KIF13B: variants seen among roughly 807,000 people sequenced by gnomAD.
KIF13B encodes kinesin family member 13B.
KIF13B carries 127 observed loss-of-function variants against 222.0 expected under a neutral mutation model. The ratio of observed to expected loss-of-function variants is 0.57; its 90% CI spans 0.50 to 0.66. The LOEUF (loss-of-function observed/expected upper bound fraction) is 0.66, where lower values mean the gene tolerates loss of function less well. Among genes scored for constraint, KIF13B ranks in the 30% least tolerant of loss-of-function variants. The pLI is 0.00. For missense variants in KIF13B, 2,173 were observed against 2,379.0 expected (o/e 0.91, Z 1.80); for synonymous variants, 976 against 919.0 (o/e 1.06, Z -1.12).
chr8:29,223,164 C>CAA (rs375009923), intron 2 of KIF13B, among the ~76,000 whole-genome samples: 187 of 113,142 alleles, frequency 1.7e-3, no homozygotes, highest in African/African-American at 5.8e-3. Context: ...CAAAAAAATA[C>CAA]AAAAAAAAAA....
At chr8:29,193,811 G>T (rs1392217164) in intron 3 of KIF13B, among the ~76,000 whole-genome samples, 1 of 152,092 alleles carries the variant, frequency 6.6e-6, no homozygotes, top group African/African-American at 2.4e-5. Flanking sequence ...ATACTGTACT[G>T]CTTTTTACAT....
intron 35 of KIF13B, among the ~76,000 whole-genome samples, chr8:29,102,528 G>A (rs1808841198): frequency 6.6e-6 from 1 of 152,252 alleles, no homozygotes; most frequent in Non-Finnish European, 1.5e-5. Flanking sequence ...AAGAACGCCG[G>A]AGGCTCCGGG....
chr8:29,260,493 CAGTATTACATAATACTAATAACTGTTCA>C (rs1212767329), intron 1 of KIF13B, among the ~76,000 whole-genome samples: 3 of 151,994 alleles, frequency 2.0e-5, no homozygotes, highest in Non-Finnish European at 4.4e-5. Flanking sequence ...CATAATTATA[CAGTATTACATAATACTAATAACTGTTCA>C]AAGTAATATT....
chr8:29,096,015 T>G (rs1312035903), intron 36 of KIF13B, among the ~76,000 whole-genome samples: 1 of 150,640 alleles, frequency 6.6e-6, no homozygotes, highest in African/African-American at 2.4e-5. Context: ...AGAGTCTCAC[T>G]CTGTCACCCA....
At chr8:29,124,160 G>T (rs373069255) in intron 26 of KIF13B, 37 bp from the exon 27 acceptor site, 10 of 1,234,840 alleles carry the variant, frequency 8.1e-6, no homozygotes, top group Non-Finnish European at 1.2e-5. Context: ...TCAATGTAAT[G>T]TCAAGATAAT....
chr8:29,160,608 C>T, intron 13 of KIF13B, 125 bp downstream of exon 13: 2 of 731,834 alleles, frequency 2.7e-6, no homozygotes, highest in Non-Finnish European at 4.1e-6. Context: ...AGTCCAGAAA[C>T]CCAAGATGGT....
At chr8:29,223,319 G>A (rs1398126348) in intron 2 of KIF13B, among the ~76,000 whole-genome samples, 1 of 116,858 alleles carries the variant, frequency 8.6e-6, no homozygotes, top group Non-Finnish European at 1.7e-5. Flanking sequence ...CTGAGTGAGA[G>A]AGACCCTGTC....
At chr8:29,193,379 G>C (rs966592229) in intron 3 of KIF13B, among the ~76,000 whole-genome samples, 1 of 152,184 alleles carries the variant, frequency 6.6e-6, no homozygotes, top group Non-Finnish European at 1.5e-5. Flanking sequence ...ATCAAACTGG[G>C]GGGAGCTGCC....
intron 14 of KIF13B, among the ~76,000 whole-genome samples, chr8:29,153,414 T>C (rs1811384427): frequency 6.6e-6 from 1 of 152,140 alleles, no homozygotes; most frequent in Admixed American, 6.5e-5. Context: ...TAAGGAAAAT[T>C]TACCAGTTCC....
intron 13 of KIF13B, among the ~76,000 whole-genome samples, chr8:29,156,061 C>G (rs1290623723): frequency 6.6e-6 from 1 of 152,142 alleles, no homozygotes; most frequent in Admixed American, 6.5e-5. Flanking sequence ...CTCCGCCTCC[C>G]AGGTTCAAGC....
chr8:29,259,610 C>A (rs1055652195), intron 1 of KIF13B, among the ~76,000 whole-genome samples: 9 of 152,298 alleles, frequency 5.9e-5, no homozygotes, highest in African/African-American at 2.2e-4. Flanking sequence ...TTTAAGCCAC[C>A]TAAAGTTAGA....
intron 13 of KIF13B, among the ~76,000 whole-genome samples, chr8:29,157,905 C>T (rs186868733): frequency 2.0e-5 from 3 of 151,730 alleles, no homozygotes; most frequent in Admixed American, 2.0e-4. Context: ...AGCCCAAATT[C>T]TTACCCGGGC....
chr8:29,201,396 G>A (rs1813685480), intron 2 of KIF13B, among the ~76,000 whole-genome samples: 1 of 152,130 alleles, frequency 6.6e-6, no homozygotes, highest in African/African-American at 2.4e-5. Flanking sequence ...AATTATATCT[G>A]TAATCTCTAG....
rs745969894 is a variant in KIF13B at position 29,140,079 on chromosome 8, T to A, written c.2597A>T (p.Asn866Ile). 1 of 1,594,806 alleles carries A rather than the reference T, an allele frequency of 6.3e-7. No homozygotes were observed. Among genetic ancestry groups the A allele is most frequent in the South Asian group, 1.1e-5 (1 of 88,228 alleles). ...EVSFEKETQENKLVCMVKILQ... is the reference protein window; with the variant it reads ...EVSFEKETQEIKLVCMVKILQ... ...GGGACTTACCATGCACACCAGTTTG[T>A]TCTCCTGGGTCTCCTTCTCAAAGGA... is the stretch of plus-strand genomic sequence containing the variant. The change falls in exon 21 of 40, where the codon AAC (asparagine) becomes ATC (isoleucine). Residue 866 changes from asparagine to isoleucine, a missense_variant. Coordinates refer to ENST00000524189, the MANE Select transcript of KIF13B (RefSeq NM_015254.4).
At chr8:29,124,716 C>A (rs1687104513) in intron 26 of KIF13B, among the ~76,000 whole-genome samples, 1 of 151,866 alleles carries the variant, frequency 6.6e-6, no homozygotes, top group African/African-American at 2.4e-5. Context: ...AAACCCCATC[C>A]CTACTAAAAA....
intron 2 of KIF13B, among the ~76,000 whole-genome samples, chr8:29,234,758 G>A (rs1245143307): frequency 1.3e-5 from 2 of 150,684 alleles, no homozygotes; most frequent in Non-Finnish European, 2.9e-5. Context: ...GTCAGGAAAG[G>A]ACATCTTTTG....
At chr8:29,120,126 A>G (rs1363139424) in intron 29 of KIF13B, among the ~76,000 whole-genome samples, 1 of 150,660 alleles carries the variant, frequency 6.6e-6, no homozygotes, top group African/African-American at 2.4e-5. Flanking sequence ...CAGGCCCAAA[A>G]TATTTTACAT....
intron 10 of KIF13B, among the ~76,000 whole-genome samples, chr8:29,169,606 A>C (rs1023271840): frequency 2.0e-5 from 3 of 152,236 alleles, no homozygotes; most frequent in Admixed American, 6.5e-5. Context: ...ATATTGCTGA[A>C]GAAAATATAA....
chr8:29,110,507 G>T, intron 32 of KIF13B: 1 of 167,890 alleles, frequency 6.0e-6, no homozygotes, highest in Non-Finnish European at 1.3e-5. Flanking sequence ...CAGGGAGGAG[G>T]CCCGGAAGGG....
Sources: allele counts gnomAD v4.1 joint callset (sites outside exome capture counted in the v4.1 genomes callset), GRCh38; gene constraint gnomAD v4.1.1; transcripts MANE v1.5; gene names NCBI Gene and HGNC (gene_info 2026-07-23, HGNC 2026-07-21).